LRRC4C: variants seen among roughly 807,000 people sequenced by gnomAD.
LRRC4C encodes leucine rich repeat containing 4C.
LRRC4C carries 5 observed loss-of-function variants against 33.6 expected under a neutral mutation model. The ratio of observed to expected loss-of-function variants is 0.15; its 90% CI spans 0.08 to 0.31. LRRC4C has a LOEUF of 0.31. Ranked by LOEUF, LRRC4C falls within the 10% of genes least tolerant of loss-of-function variation. The pLI, the probability that LRRC4C is intolerant of heterozygous loss-of-function variation, is 1.00. For synonymous variants in LRRC4C, 329 were observed against 302.0 expected (o/e 1.09, Z -0.93); for missense variants, 560 against 796.7 (o/e 0.70, Z 3.58).
intron 2 of LRRC4C, among the ~76,000 whole-genome samples, chr11:40,796,787 C>T (rs1292680033): frequency 2.0e-5 from 3 of 152,058 alleles, no homozygotes; most frequent in East Asian, 1.9e-4. Context: ...ACTGGGATTA[C>T]AGGCATGCAC....
intron 3 of LRRC4C, among the ~76,000 whole-genome samples, chr11:40,642,065 T>C (rs1203731207): frequency 6.6e-6 from 1 of 151,866 alleles, no homozygotes; most frequent in East Asian, 1.9e-4. Flanking sequence ...TGTTTTTGCT[T>C]GTGTGTCATG....
At chr11:40,323,336 CAT>C (rs1031540497) in intron 3 of LRRC4C, among the ~76,000 whole-genome samples, 2 of 152,190 alleles carry the variant, frequency 1.3e-5, no homozygotes, top group Admixed American at 1.3e-4. Context: ...ATCAATACAA[CAT>C]GTTTTAAATT....
At chr11:40,473,631 G>A (rs912278486) in intron 3 of LRRC4C, among the ~76,000 whole-genome samples, 1 of 152,012 alleles carries the variant, frequency 6.6e-6, no homozygotes, top group African/African-American at 2.4e-5. Flanking sequence ...AGAAATAAAG[G>A]GTACTCAAAT....
chr11:40,779,653 T>C (rs779896028), intron 2 of LRRC4C, among the ~76,000 whole-genome samples: 2 of 152,160 alleles, frequency 1.3e-5, no homozygotes, highest in Admixed American at 1.3e-4. Context: ...GAGTCACGTA[T>C]CTGGAATTAG....
intron 3 of LRRC4C, among the ~76,000 whole-genome samples, chr11:40,636,530 G>T (rs1003461611): frequency 1.3e-5 from 2 of 152,112 alleles, no homozygotes; most frequent in East Asian, 3.9e-4. Flanking sequence ...CAACAAGTGG[G>T]CTCAGGATAG....
At chr11:41,045,549 T>C (rs773421502) in intron 1 of LRRC4C, among the ~76,000 whole-genome samples, 5 of 152,120 alleles carry the variant, frequency 3.3e-5, no homozygotes, top group Non-Finnish European at 5.9e-5. Context: ...TCCTGCTGAC[T>C]TCAAGTAAGG....
chr11:40,805,009 T>C (rs534100350), intron 2 of LRRC4C, among the ~76,000 whole-genome samples: 6 of 152,310 alleles, frequency 3.9e-5, no homozygotes, highest in Non-Finnish European at 2.9e-5. Context: ...CTCACCTTTC[T>C]ATAATGATAA....
intron 3 of LRRC4C, among the ~76,000 whole-genome samples, chr11:40,575,675 T>C (rs1958163042): frequency 6.6e-6 from 1 of 152,214 alleles, no homozygotes; most frequent in African/African-American, 2.4e-5. Flanking sequence ...ATAATTCAAT[T>C]TTCTTCAAGA....
At chr11:41,213,866 C>T (rs942930024) in intron 1 of LRRC4C, among the ~76,000 whole-genome samples, 9 of 152,294 alleles carry the variant, frequency 5.9e-5, no homozygotes, top group African/African-American at 2.2e-4. Context: ...ACATTAAGTT[C>T]CTTCCTTGCA....
intron 2 of LRRC4C, among the ~76,000 whole-genome samples, chr11:40,925,495 C>A (rs759474621): frequency 6.6e-6 from 1 of 152,132 alleles, no homozygotes; most frequent in African/African-American, 2.4e-5. Flanking sequence ...GGTTAACCTG[C>A]AACTGTCACG....
At chr11:40,310,853 A>C (rs2136750025) in intron 4 of LRRC4C, among the ~76,000 whole-genome samples, 1 of 152,370 alleles carries the variant, frequency 6.6e-6, no homozygotes, top group South Asian at 2.1e-4. Context: ...ATTTCCAAAG[A>C]CTGGGTCCTA....
intron 4 of LRRC4C, among the ~76,000 whole-genome samples, chr11:40,274,355 T>G (rs565796920): frequency 1.3e-5 from 2 of 151,548 alleles, no homozygotes; most frequent in East Asian, 3.9e-4. Context: ...TTCACCTACT[T>G]AATTTTGTAG....
chr11:40,932,819 T>C (rs1592126568), intron 2 of LRRC4C, among the ~76,000 whole-genome samples: 1 of 152,134 alleles, frequency 6.6e-6, no homozygotes, highest in African/African-American at 2.4e-5. Context: ...CTGAAAGAGC[T>C]GGAACATTTC....
chr11:40,391,107 C>G (rs2137448968), intron 3 of LRRC4C, among the ~76,000 whole-genome samples: 1 of 152,154 alleles, frequency 6.6e-6, no homozygotes, highest in South Asian at 2.1e-4. Flanking sequence ...GTCTTGAACT[C>G]CTGACCTCGA....
chr11:41,430,792 GTA>G (rs369549804), intron 1 of LRRC4C, among the ~76,000 whole-genome samples: 3 of 150,440 alleles, frequency 2.0e-5, no homozygotes, highest in Admixed American at 6.6e-5. Flanking sequence ...ATATTTTTGT[GTA>G]TATATATATA....
chr11:40,635,598 T>C (rs1963875355), intron 3 of LRRC4C, among the ~76,000 whole-genome samples: 2 of 151,186 alleles, frequency 1.3e-5, no homozygotes, highest in Non-Finnish European at 2.9e-5. Flanking sequence ...ATAAAGATGC[T>C]ATTCACTCCA....
intron 1 of LRRC4C, among the ~76,000 whole-genome samples, chr11:41,256,257 T>C (rs1006121292): frequency 6.6e-6 from 1 of 151,862 alleles, no homozygotes; most frequent in Non-Finnish European, 1.5e-5. Flanking sequence ...TTCAGAGTAA[T>C]CAATCAATCA....
intron 2 of LRRC4C, among the ~76,000 whole-genome samples, chr11:40,890,477 T>C (rs1007532386): frequency 6.6e-6 from 1 of 152,158 alleles, no homozygotes; most frequent in African/African-American, 2.4e-5. Flanking sequence ...ACCTTGTAAA[T>C]TTCCTACCTC....
chr11:41,302,434 T>C (rs1950313189), intron 1 of LRRC4C, among the ~76,000 whole-genome samples: 1 of 152,230 alleles, frequency 6.6e-6, no homozygotes, highest in East Asian at 1.9e-4. Flanking sequence ...TCAGTGGTGA[T>C]ACAATTTATC....
Sources: gnomAD v4.1 joint callset for allele counts (sites outside exome capture counted in the v4.1 genomes callset) on GRCh38, gnomAD v4.1.1 for gene constraint, MANE v1.5 for transcripts, NCBI Gene and HGNC (gene_info 2026-07-23, HGNC 2026-07-21) for gene names.